Variants in TMEM248 observed in about 807,000 individuals in gnomAD.
TMEM248 encodes transmembrane protein 248, also known as UPF0458 protein C7orf42.
A neutral mutation model predicts 30.3 loss-of-function variants in TMEM248; 9 were observed. The ratio of observed to expected loss-of-function variants is 0.30; its 90% CI spans 0.18 to 0.52. The LOEUF (loss-of-function observed/expected upper bound fraction) is 0.52, where lower values mean the gene tolerates loss of function less well. TMEM248 is among the 20% of genes least tolerant of loss of function. TMEM248 has a pLI of 0.97. For synonymous variants in TMEM248, 184 were observed against 154.4 expected (o/e 1.19, Z -1.42); for missense variants, 338 against 403.3 (o/e 0.84, Z 1.39).
intron 4 of TMEM248, among the ~76,000 whole-genome samples, chr7:66,950,083 G>A (rs910193646): frequency 1.3e-5 from 2 of 152,030 alleles, no homozygotes; most frequent in African/African-American, 4.8e-5. Flanking sequence ...GCTTTGGGCT[G>A]GGCGCAATGG....
intron 1 of TMEM248, among the ~76,000 whole-genome samples, chr7:66,932,247 A>G (rs1791688374): frequency 6.6e-6 from 1 of 152,190 alleles, no homozygotes; most frequent in Non-Finnish European, 1.5e-5. Flanking sequence ...AACTCATGTA[A>G]TAAAAAGTAA....
intron 1 of TMEM248, among the ~76,000 whole-genome samples, chr7:66,926,590 C>G (rs999602791): frequency 5.3e-5 from 8 of 149,706 alleles, no homozygotes; most frequent in African/African-American, 2.0e-4. Context: ...GAGCCGGGTT[C>G]GCACCACTGC....
At chr7:66,938,662 C>T (rs1400184660) in intron 1 of TMEM248, among the ~76,000 whole-genome samples, 5 of 152,128 alleles carry the variant, frequency 3.3e-5, no homozygotes, top group Non-Finnish European at 5.9e-5. Flanking sequence ...CACATGCCAC[C>T]ATGCCCAGCT....
chr7:66,943,723 T>C (rs1258029816), intron 2 of TMEM248, among the ~76,000 whole-genome samples: 1 of 152,078 alleles, frequency 6.6e-6, no homozygotes, highest in Non-Finnish European at 1.5e-5. Context: ...GCAGTCTTAC[T>C]AAATGTCACA....
At chr7:66,926,894 C>T (rs1178570993) in intron 1 of TMEM248, among the ~76,000 whole-genome samples, 4 of 152,074 alleles carry the variant, frequency 2.6e-5, no homozygotes, top group Non-Finnish European at 5.9e-5. Flanking sequence ...ACACAGCCTT[C>T]GAAACACTGC....
At chr7:66,929,848 G>A (rs1791620658) in intron 1 of TMEM248, among the ~76,000 whole-genome samples, 1 of 152,112 alleles carries the variant, frequency 6.6e-6, no homozygotes, top group Non-Finnish European at 1.5e-5. Context: ...CTGGTTGTAG[G>A]AGAGCCAGAG....
At chr7:66,926,895 G>A (rs111641553) in intron 1 of TMEM248, among the ~76,000 whole-genome samples, 20 of 152,112 alleles carry the variant, frequency 1.3e-4, no homozygotes, top group Non-Finnish European at 2.5e-4. Flanking sequence ...CACAGCCTTC[G>A]AAACACTGCC....
At position 66,949,141 on chromosome 7, in the gene TMEM248, T is replaced by TAA. The variant is rs530357268; in HGVS notation, c.596+461_596+462dup. ...CATATAGGGAGACCCTGTCTCTATT[T>TAA]AAAAAAAAAAAAAAAGAAAGAAAAA... On this transcript the variant is annotated intron_variant, in intron 4 of 6. Coordinates refer to ENST00000341567, the MANE Select transcript of TMEM248 (RefSeq NM_017994.5). Among the ~76,000 whole-genome samples, 467 of 130,866 alleles carry TAA rather than the reference T, an allele frequency of 3.6e-3. 4 individuals are homozygous for TAA. The highest frequency in any genetic ancestry group is 0.022 in the East Asian group (104 of 4,642). 85.9% of individuals were successfully genotyped at this position (130,866 alleles called of 152,430 possible).
chr7:66,932,868 T>TTTTG (rs911058061), intron 1 of TMEM248, among the ~76,000 whole-genome samples: 1 of 150,506 alleles, frequency 6.6e-6, no homozygotes, highest in East Asian at 2.0e-4. Flanking sequence ...CCTGTGGGTG[T>TTTTG]TTTGTTTGTT....
intron 3 of TMEM248, 94 bp from the exon 4 acceptor site, chr7:66,948,449 TC>T: frequency 6.9e-7 from 1 of 1,442,428 alleles, no homozygotes; most frequent in Non-Finnish European, 9.4e-7. Flanking sequence ...GATAGATGAT[TC>T]CTGTGTGGGT....
intron 2 of TMEM248, among the ~76,000 whole-genome samples, chr7:66,943,582 TG>T (rs1301688258): frequency 2.6e-5 from 4 of 152,230 alleles, no homozygotes; most frequent in Non-Finnish European, 4.4e-5. Flanking sequence ...TAATTTGCCC[TG>T]GGCCTCAGTT....
intron 6 of TMEM248, among the ~76,000 whole-genome samples, chr7:66,955,088 A>C (rs1221481733): frequency 6.6e-6 from 1 of 152,078 alleles, no homozygotes; most frequent in Non-Finnish European, 1.5e-5. Flanking sequence ...CATAGTGAGA[A>C]CCCTTCTCTA....
chr7:66,933,976 TC>T (rs963310911), intron 1 of TMEM248, among the ~76,000 whole-genome samples: 1 of 151,622 alleles, frequency 6.6e-6, no homozygotes, highest in Non-Finnish European at 1.5e-5. Flanking sequence ...TTTTTTTTTT[TC>T]CTAAACAGAA....
At chr7:66,927,745 C>T (rs1210074123) in intron 1 of TMEM248, among the ~76,000 whole-genome samples, 1 of 151,770 alleles carries the variant, frequency 6.6e-6, no homozygotes, top group Non-Finnish European at 1.5e-5. Flanking sequence ...GCATGAAACA[C>T]CATGCCCAGT....
intron 1 of TMEM248, among the ~76,000 whole-genome samples, chr7:66,926,281 T>C (rs1791522418): frequency 6.6e-6 from 1 of 152,108 alleles, no homozygotes; most frequent in African/African-American, 2.4e-5. Flanking sequence ...CCAAAATATA[T>C]ACAAAGCTCA....
chr7:66,934,647 C>A (rs1287444653), intron 1 of TMEM248, among the ~76,000 whole-genome samples: 1 of 152,156 alleles, frequency 6.6e-6, no homozygotes, highest in African/African-American at 2.4e-5. Flanking sequence ...CTTTTAATGA[C>A]TATTAGTTTT....
chr7:66,941,972 C>G lies in TMEM248; in HGVS notation c.107C>G (p.Thr36Ser). ...SVSAMAIAFL[T>S]LGYFFKIKEI... is the part of the protein sequence containing the mutation. ...AGCGCCATGGCCATAGCTTTCCTGA[C>G]CCTGGGCTACTTCTTCAAAATCAAG... Residue 36 changes from threonine (T) to serine (S), a missense_variant, in exon 2 of 7, where the codon ACC (threonine) becomes AGC (serine). Transcript: ENST00000341567. 1.9e-6 allele frequency: 3 copies of G among 1,614,154 alleles called. No homozygotes were observed. The highest frequency in any genetic ancestry group is 2.5e-6 in the Non-Finnish European group (3 of 1,180,038).
In TMEM248 at chr7:66,927,560, C is replaced by T. The variant is rs1346301691; in HGVS notation, c.-19+6099C>T. Among the ~76,000 whole-genome samples, 8 of 151,536 alleles carry T rather than the reference C, an allele frequency of 5.3e-5. 1 individual carries two copies. The highest frequency in any genetic ancestry group is 1.9e-4 in the African/African-American group (8 of 41,250). ...GACTCAACTGATCCTCCTGCCTTGC[C>T]CTCCCAATTAGCTGGGACTATAGGT... On this transcript the variant is annotated intron_variant, in intron 1 of 6. Transcript: ENST00000341567.
chr7:66,955,186 C>A (rs1427596156), intron 6 of TMEM248, among the ~76,000 whole-genome samples: 1 of 152,108 alleles, frequency 6.6e-6, no homozygotes, highest in Non-Finnish European at 1.5e-5. Flanking sequence ...TTGCTTGAGC[C>A]CAGAAGTTGG....
Sources: allele counts gnomAD v4.1 joint callset (sites outside exome capture counted in the v4.1 genomes callset), GRCh38; gene constraint gnomAD v4.1.1; transcripts MANE v1.5; gene names NCBI Gene and HGNC (gene_info 2026-07-23, HGNC 2026-07-21).